ST3GAL6: variants seen among roughly 807,000 people sequenced by gnomAD.
ST3GAL6 encodes ST3 beta-galactoside alpha-2,3-sialyltransferase 6.
Under a neutral mutation model 40.5 loss-of-function variants are expected in ST3GAL6, and 31 were observed. That is an observed-to-expected ratio of 0.77 (90% CI 0.58 to 1.03). ST3GAL6 has a LOEUF of 1.03. Ranked by LOEUF, ST3GAL6 falls within the 50% of genes least tolerant of loss-of-function variation. ST3GAL6 has a pLI of 0.00. For synonymous variants in ST3GAL6, 129 were observed against 136.9 expected (o/e 0.94, Z 0.40); for missense variants, 357 against 393.2 (o/e 0.91, Z 0.78).
At chr3:98,771,709 A>G (rs1195845090) in intron 3 of ST3GAL6, among the ~76,000 whole-genome samples, 1 of 151,926 alleles carries the variant, frequency 6.6e-6, no homozygotes. Context: ...CAATCAATCA[A>G]CTCTCTGGAA....
At chr3:98,751,044 C>CT (rs5851136) in intron 1 of ST3GAL6, among the ~76,000 whole-genome samples, 2,113 of 142,558 alleles carry the variant, frequency 0.015, 45 homozygotes, top group African/African-American at 0.049. Context: ...ACTAAATAAT[C>CT]TTTTTTTTTT....
chr3:98,776,297 G>T (rs928520028), intron 5 of ST3GAL6, among the ~76,000 whole-genome samples: 1 of 152,230 alleles, frequency 6.6e-6, no homozygotes, highest in Non-Finnish European at 1.5e-5. Context: ...GGACTGAATT[G>T]CCTGAATGCT....
chr3:98,751,122 G>A (rs914348274), intron 1 of ST3GAL6, among the ~76,000 whole-genome samples: 6 of 151,428 alleles, frequency 4.0e-5, no homozygotes, highest in African/African-American at 9.7e-5. Context: ...GCTCACTGGA[G>A]CCTCTGCCTC....
At chr3:98,759,277 A>T (rs568776051), upstream of ST3GAL6, among the ~76,000 whole-genome samples, 1 of 152,324 alleles carries the variant, frequency 6.6e-6, no homozygotes, top group East Asian at 1.9e-4. Context: ...AACAGCTTGA[A>T]AACACCTGTA....
chr3:98,771,049 C>A, intron 3 of ST3GAL6, 93 bp downstream of exon 3: 2 of 1,517,998 alleles, frequency 1.3e-6, no homozygotes. Flanking sequence ...TAATGCAAAT[C>A]TTAGCAGTAT....
chr3:98,733,055 TC>T, intron 1 of ST3GAL6: 1 of 1,413,618 alleles, frequency 7.1e-7, no homozygotes, highest in East Asian at 2.8e-5. Context: ...TGGGCCGGGG[TC>T]CGGGCGGCCT....
At chr3:98,746,664 T>A (rs890925932) in intron 1 of ST3GAL6, among the ~76,000 whole-genome samples, 1 of 152,118 alleles carries the variant, frequency 6.6e-6, no homozygotes, top group Non-Finnish European at 1.5e-5. Flanking sequence ...AGTCTTCACA[T>A]TTTTGTCAGT....
chr3:98,741,265 T>C (rs1293162401), intron 1 of ST3GAL6, among the ~76,000 whole-genome samples: 3 of 152,130 alleles, frequency 2.0e-5, no homozygotes, highest in Non-Finnish European at 4.4e-5. Flanking sequence ...ACTGTAGTTA[T>C]CTCTGATCTT....
chr3:98,793,787 A>G lies in ST3GAL6; in HGVS notation c.*26A>G. 6.9e-7 allele frequency: 1 copy of G among 1,452,176 alleles called. No individual in the cohort carries two copies. Among genetic ancestry groups the G allele is most frequent in the Non-Finnish European group, 9.4e-7 (1 of 1,062,284 alleles). 90.0% of individuals were successfully genotyped at this position (1,452,176 alleles called of 1,614,324 possible). A position where few individuals can be genotyped will look rare whatever the true frequency, so the allele number is the denominator to read the frequency against. On this transcript the variant is annotated 3_prime_UTR_variant, in exon 10 of 10. Coordinates refer to ENST00000483910, the MANE Select transcript of ST3GAL6 (RefSeq NM_001323368.2). Reference sequence around the variant, plus strand: ...CTCTACAGACTCAGAAGATGATGCTAACAGTGTTAGTTTTATTTTTGTACT... The same window carrying G: ...CTCTACAGACTCAGAAGATGATGCTGACAGTGTTAGTTTTATTTTTGTACT...
chr3:98,753,940 C>G (rs1202788112), intron 1 of ST3GAL6, among the ~76,000 whole-genome samples: 1 of 152,210 alleles, frequency 6.6e-6, no homozygotes, highest in Non-Finnish European at 1.5e-5. Flanking sequence ...CTACAGTGCA[C>G]CTAATTACCC....
chr3:98,787,838 C>A (rs2107337283), intron 6 of ST3GAL6, among the ~76,000 whole-genome samples, 198 bp from the exon 7 acceptor site: 1 of 152,304 alleles, frequency 6.6e-6, no homozygotes, highest in South Asian at 2.1e-4. Context: ...ACATTTCTGC[C>A]TTTGATCAAC....
intron 5 of ST3GAL6, among the ~76,000 whole-genome samples, chr3:98,778,010 T>C (rs1423582003): frequency 1.3e-5 from 2 of 152,272 alleles, no homozygotes; most frequent in Non-Finnish European, 2.9e-5. Flanking sequence ...CTCACACAGC[T>C]AGAAACAGCA....
At chr3:98,756,060 C>G (rs1187187330) in intron 1 of ST3GAL6, among the ~76,000 whole-genome samples, 3 of 152,130 alleles carry the variant, frequency 2.0e-5, no homozygotes, top group Non-Finnish European at 2.9e-5. Context: ...GAAAAGAAGA[C>G]AGATGGTTCT....
chr3:98,775,388 A>G (rs1002748020), intron 5 of ST3GAL6, among the ~76,000 whole-genome samples: 2 of 151,316 alleles, frequency 1.3e-5, no homozygotes, highest in African/African-American at 4.9e-5. Flanking sequence ...AGGCAGGAGA[A>G]TTGCTTGAAC....
intron 1 of ST3GAL6, among the ~76,000 whole-genome samples, chr3:98,741,534 GGTGTT>G (rs1936087373): frequency 6.6e-6 from 1 of 152,042 alleles, no homozygotes; most frequent in Non-Finnish European, 1.5e-5. Context: ...CACAAAGTTT[GGTGTT>G]ACTAGAGTCA....
upstream of ST3GAL6, among the ~76,000 whole-genome samples, chr3:98,761,045 A>G (rs539686747): frequency 6.6e-6 from 1 of 152,336 alleles, no homozygotes; most frequent in East Asian, 1.9e-4. Flanking sequence ...TCAGGCTGCT[A>G]GGGGCCAGGA....
At chr3:98,792,671 TA>T (rs1941307027) in intron 9 of ST3GAL6, among the ~76,000 whole-genome samples, 1 of 81,338 alleles carries the variant, frequency 1.2e-5, no homozygotes, top group Non-Finnish European at 2.6e-5. Context: ...CACGACCGGC[TA>T]ATTTTTTTTT....
At chr3:98,755,605 CA>C (rs1209034297) in intron 1 of ST3GAL6, among the ~76,000 whole-genome samples, 2 of 152,088 alleles carry the variant, frequency 1.3e-5, no homozygotes, top group South Asian at 2.1e-4. Flanking sequence ...CTTAAATAGG[CA>C]AAATACCGGA....
At position 98,788,667 on chromosome 3, in the gene ST3GAL6, G is replaced by A. The variant is rs1940957902; in HGVS notation, c.756+204G>A. Among the ~76,000 whole-genome samples, 3 of 122,820 alleles carry A rather than the reference G, an allele frequency of 2.4e-5. No individual in the cohort carries two copies. The South Asian group carries it at 7.3e-4, about 30-fold the overall frequency. 80.6% of individuals were successfully genotyped at this position (122,820 alleles called of 152,430 possible). A position where few individuals can be genotyped will look rare whatever the true frequency, so the allele number is the denominator to read the frequency against. ...TTGCAAGGAAATGTAATTTTAAGTT[G>A]GGTTTTTTTCCTGCCCTTGTAGGGC... On this transcript the variant is annotated intron_variant, in intron 8 of 9. Coordinates refer to ENST00000483910, the MANE Select transcript of ST3GAL6 (RefSeq NM_001323368.2).
Sources: gnomAD v4.1 joint callset for allele counts (sites outside exome capture counted in the v4.1 genomes callset) on GRCh38, gnomAD v4.1.1 for gene constraint, MANE v1.5 for transcripts, NCBI Gene and HGNC (gene_info 2026-07-23, HGNC 2026-07-21) for gene names.